ANO3: variants seen among roughly 807,000 people sequenced by gnomAD.
ANO3 encodes the protein anoctamin 3.
ANO3 carries 99 observed loss-of-function variants against 144.8 expected under a neutral mutation model. That is an observed-to-expected ratio of 0.68 (90% CI 0.58 to 0.81). ANO3 has a LOEUF of 0.81. Among genes scored for constraint, ANO3 ranks in the 30% least tolerant of loss-of-function variants. ANO3 has a pLI of 0.00. For missense variants in ANO3, 905 were observed against 1,202.2 expected, an observed-to-expected ratio of 0.75 and a Z score of 3.66; for synonymous variants, 414 against 392.6, an observed-to-expected ratio of 1.05 and a Z score of -0.64.
intron 1 of ANO3, chr11:26,286,133 A>G (rs1300341938): frequency 1.3e-5 from 2 of 152,200 alleles, no homozygotes; most frequent in Admixed American, 6.5e-5. Context: ...CCATATGAAA[A>G]TAAGCAGGTC....
chr11:26,203,246 T>C (rs1191646336), intron 1 of ANO3, among the ~76,000 whole-genome samples: 1 of 152,122 alleles, frequency 6.6e-6, no homozygotes, highest in Non-Finnish European at 1.5e-5. Context: ...CTTTGAAGAT[T>C]AGAAAGTACA....
intron 3 of ANO3, among the ~76,000 whole-genome samples, chr11:26,459,513 G>A (rs1859296955): frequency 6.6e-6 from 1 of 151,736 alleles, no homozygotes; most frequent in Non-Finnish European, 1.5e-5. Context: ...TTTATTGAAT[G>A]AACTATGTGT....
intron 17 of ANO3, among the ~76,000 whole-genome samples, chr11:26,616,067 G>A (rs1174676832): frequency 6.6e-6 from 1 of 152,050 alleles, no homozygotes; most frequent in Non-Finnish European, 1.5e-5. Flanking sequence ...ATAATTTTCA[G>A]TAATCTTATT....
At chr11:26,403,906 T>C (rs1409761679) in intron 1 of ANO3, among the ~76,000 whole-genome samples, 4 of 151,914 alleles carry the variant, frequency 2.6e-5, no homozygotes, top group Non-Finnish European at 5.9e-5. Context: ...ATTTGTGTGC[T>C]TTGCTTCCCA....
chr11:26,290,213 G>A (rs11029485), intron 1 of ANO3, among the ~76,000 whole-genome samples: 3,227 of 151,992 alleles, frequency 0.021, 58 homozygotes, highest in East Asian at 0.12. Flanking sequence ...TGTTTATAGT[G>A]TTCTCTGATG....
chr11:26,605,832 G>A (rs369344981), intron 17 of ANO3, among the ~76,000 whole-genome samples: 76 of 150,108 alleles, frequency 5.1e-4, no homozygotes, highest in South Asian at 8.5e-4. Context: ...CTCTCTTTTC[G>A]TCTTTATTAG....
At chr11:26,257,875 T>A (rs910592679) in intron 1 of ANO3, among the ~76,000 whole-genome samples, 9 of 152,266 alleles carry the variant, frequency 5.9e-5, no homozygotes, top group Middle Eastern at 3.4e-3. Context: ...CTATTGTGTT[T>A]ACTAATGAAA....
At chr11:26,384,273 T>C (rs77687623) in intron 1 of ANO3, among the ~76,000 whole-genome samples, 10,703 of 152,182 alleles carry the variant, frequency 0.07, 659 homozygotes, top group African/African-American at 0.17. Flanking sequence ...AAATTATAAA[T>C]TTAACAATTG....
At chr11:26,200,415 A>G (rs1235563502) in intron 1 of ANO3, among the ~76,000 whole-genome samples, 1 of 152,102 alleles carries the variant, frequency 6.6e-6, no homozygotes, top group East Asian at 1.9e-4. Context: ...TGGTCACTCT[A>G]TTATAATCTT....
chr11:26,384,302 C>T (rs779160388), intron 1 of ANO3, among the ~76,000 whole-genome samples: 11 of 151,986 alleles, frequency 7.2e-5, no homozygotes, highest in Non-Finnish European at 1.6e-4. Context: ...GCAATAGATG[C>T]TCTCCCAATT....
chr11:26,555,492 G>A (rs1437152870), intron 13 of ANO3, among the ~76,000 whole-genome samples: 2 of 152,158 alleles, frequency 1.3e-5, no homozygotes, highest in African/African-American at 4.8e-5. Context: ...TCATCATGCA[G>A]TAAATACATC....
At chr11:26,597,380 T>C (rs1307351571) in intron 14 of ANO3, among the ~76,000 whole-genome samples, 1 of 152,186 alleles carries the variant, frequency 6.6e-6, no homozygotes, top group African/African-American at 2.4e-5. Flanking sequence ...AGTGTTCAGC[T>C]GGATTAGGAC....
chr11:26,201,955 T>C (rs1851702090), intron 1 of ANO3, among the ~76,000 whole-genome samples: 1 of 151,448 alleles, frequency 6.6e-6, no homozygotes, highest in South Asian at 2.1e-4. Flanking sequence ...TTGTAATGAT[T>C]TTAGGCAGAA....
At chr11:26,558,772 T>C (rs1266506713) in intron 13 of ANO3, among the ~76,000 whole-genome samples, 4 of 152,152 alleles carry the variant, frequency 2.6e-5, no homozygotes, top group Non-Finnish European at 4.4e-5. Context: ...ATTACTGTTG[T>C]TTTAATGCTC....
At chr11:26,289,134 C>G (rs890109685) in intron 1 of ANO3, among the ~76,000 whole-genome samples, 12 of 151,960 alleles carry the variant, frequency 7.9e-5, no homozygotes, top group Non-Finnish European at 1.5e-4. Flanking sequence ...CATTTTATCT[C>G]TTAATATAAA....
At chr11:26,316,318 G>C (rs1854624369) in intron 1 of ANO3, among the ~76,000 whole-genome samples, 1 of 152,190 alleles carries the variant, frequency 6.6e-6, no homozygotes, top group South Asian at 2.1e-4. Context: ...GCAGGGGTAG[G>C]TTAGTGAGGG....
intron 3 of ANO3, among the ~76,000 whole-genome samples, chr11:26,454,052 G>C (rs1859051443): frequency 6.6e-6 from 1 of 152,050 alleles, no homozygotes; most frequent in African/African-American, 2.4e-5. Flanking sequence ...CAACATACCA[G>C]AATCTCTGGG....
At chr11:26,503,226 CTA>C (rs1861270484) in intron 4 of ANO3, among the ~76,000 whole-genome samples, 1 of 152,100 alleles carries the variant, frequency 6.6e-6, no homozygotes, top group South Asian at 2.1e-4. Flanking sequence ...TGAAAAAACT[CTA>C]AATCAAATGC....
At chr11:26,340,880 A>G (rs895174006) in intron 1 of ANO3, among the ~76,000 whole-genome samples, 6 of 152,170 alleles carry the variant, frequency 3.9e-5, no homozygotes, top group Admixed American at 3.9e-4. Context: ...TAACTTCTCA[A>G]CTGATTCATG....
Sources: allele counts gnomAD v4.1 joint callset (sites outside exome capture counted in the v4.1 genomes callset), GRCh38; gene constraint gnomAD v4.1.1; transcripts MANE v1.5; gene names NCBI Gene and HGNC (gene_info 2026-07-23, HGNC 2026-07-21).